SPTLC2: variants seen among roughly 807,000 people sequenced by gnomAD.
SPTLC2 encodes the protein serine palmitoyltransferase 2.
In SPTLC2, 21 loss-of-function variants were observed where a neutral mutation model predicts 62.0. That is an observed-to-expected ratio of 0.34 (90% CI 0.24 to 0.49). SPTLC2 has a LOEUF of 0.49. Among genes scored for constraint, SPTLC2 ranks in the 20% least tolerant of loss-of-function variants. SPTLC2 has a pLI of 0.99. For synonymous variants in SPTLC2, 261 were observed against 261.8 expected (o/e 1.00, Z 0.03); for missense variants, 511 against 713.0 (o/e 0.72, Z 3.23).
intron 1 of SPTLC2, among the ~76,000 whole-genome samples, chr14:77,604,156 T>C (rs1391518903): frequency 6.6e-6 from 1 of 152,238 alleles, no homozygotes; most frequent in Non-Finnish European, 1.5e-5. Flanking sequence ...CTATATTTCC[T>C]GGACCATAAC....
At chr14:77,584,975 G>T (rs771851000) in intron 2 of SPTLC2, among the ~76,000 whole-genome samples, 13 of 152,240 alleles carry the variant, frequency 8.5e-5, no homozygotes, top group Admixed American at 3.9e-4. Flanking sequence ...CTCAGTGCTG[G>T]GTCGGCACCA....
chr14:77,528,745 A>T (rs1179135103), intron 9 of SPTLC2, among the ~76,000 whole-genome samples: 1 of 152,162 alleles, frequency 6.6e-6, no homozygotes, highest in East Asian at 1.9e-4. Context: ...GTTATTTCAT[A>T]TCTCTTTCAT....
At position 77,554,426 on chromosome 14, in the gene SPTLC2, CCCTCCG is replaced by C. The variant is rs567261229; in HGVS notation, c.1176+868_1176+873del. Among the ~76,000 whole-genome samples, 363 of 152,290 alleles carry C rather than the reference CCCTCCG, an allele frequency of 2.4e-3. 2 individuals carry two copies. The highest frequency in any genetic ancestry group is 4.3e-3 in the Non-Finnish European group (292 of 68,034). On this transcript the variant is annotated intron_variant, in intron 8 of 11. Transcript: ENST00000216484. ...AGCATTCACTTTCCATTTCCCTATC[CCCTCCG>C]CCTCCGGCAACTACTAATCTACTTT...
intron 2 of SPTLC2, among the ~76,000 whole-genome samples, chr14:77,586,078 CTT>C (rs57174185): frequency 4.4e-4 from 60 of 137,438 alleles, no homozygotes; most frequent in Admixed American, 5.2e-4. Context: ...TTTCTTTTTT[CTT>C]TTTTTTTTTT....
intron 1 of SPTLC2, among the ~76,000 whole-genome samples, chr14:77,613,965 G>T (rs1043137320): frequency 6.6e-6 from 1 of 152,234 alleles, no homozygotes; most frequent in East Asian, 1.9e-4. Flanking sequence ...CCATCTGAGA[G>T]TGTAGAAAGC....
chr14:77,545,771 A>AT (rs2079525225), intron 9 of SPTLC2, among the ~76,000 whole-genome samples: 1 of 152,240 alleles, frequency 6.6e-6, no homozygotes, highest in Admixed American at 6.5e-5. Context: ...TCAACAAACA[A>AT]TAGACACTGG....
intron 9 of SPTLC2, among the ~76,000 whole-genome samples, chr14:77,531,590 C>T (rs564273347): frequency 4.6e-4 from 69 of 151,334 alleles, no homozygotes; most frequent in African/African-American, 1.6e-3. Flanking sequence ...CTCGGTCCAC[C>T]GCAACCTCCA....
chr14:77,601,421 C>T (rs1014786493), intron 1 of SPTLC2, among the ~76,000 whole-genome samples: 6 of 152,186 alleles, frequency 3.9e-5, no homozygotes, highest in African/African-American at 4.8e-5. Flanking sequence ...CTAACTCCAC[C>T]GCCTATCCCA....
chr14:77,531,501 C>CTCT (rs1162219694), intron 9 of SPTLC2, among the ~76,000 whole-genome samples: 2 of 98,560 alleles, frequency 2.0e-5, no homozygotes, highest in African/African-American at 8.3e-5. Flanking sequence ...CCTCCTCCTC[C>CTCT]TCCTCCTCTT....
intron 4 of SPTLC2, among the ~76,000 whole-genome samples, chr14:77,575,497 C>G (rs1476419359): frequency 6.6e-6 from 1 of 152,134 alleles, no homozygotes; most frequent in Non-Finnish European, 1.5e-5. Flanking sequence ...ACCTGTACAG[C>G]TAGGGCATAA....
intron 9 of SPTLC2, among the ~76,000 whole-genome samples, chr14:77,551,081 G>C (rs1340253169): frequency 1.3e-5 from 2 of 152,016 alleles, no homozygotes; most frequent in African/African-American, 4.8e-5. Flanking sequence ...ATGCCAAACT[G>C]ACTTTACAAG....
chr14:77,520,660 T>G (rs186512369), intron 10 of SPTLC2, among the ~76,000 whole-genome samples: 184 of 152,390 alleles, frequency 1.2e-3, no homozygotes, highest in African/African-American at 4.2e-3. Flanking sequence ...GCTTTTCAAA[T>G]GTCTTCTGGT....
intron 9 of SPTLC2, among the ~76,000 whole-genome samples, chr14:77,547,032 T>C (rs1283128917): frequency 2.0e-5 from 3 of 148,706 alleles, no homozygotes; most frequent in African/African-American, 7.5e-5. Flanking sequence ...ACCCAGCTAA[T>C]TTTCATATTT....
Position 77,597,251 on chromosome 14 carries a change from G to C in SPTLC2, c.262C>G (p.Arg88Gly). ...ATTCTCCAATACCTCAAGAAATCTCGAAGATATCCAAAGAGGGTGAGTACG... is the reference window on the plus strand; with the variant it reads ...ATTCTCCAATACCTCAAGAAATCTCCAAGATATCCAAAGAGGGTGAGTACG... ...YGVLTLFGYLRDFLRYWRIEK... is the reference protein window; with the variant it reads ...YGVLTLFGYLGDFLRYWRIEK... Residue 88 changes from arginine to glycine, a missense_variant, in exon 2 of 12, where the codon CGA (arginine) becomes GGA (glycine). Arg to Gly is a moderately radical substitution (Grantham distance 125, BLOSUM62 -2). Transcript: ENST00000216484. 1 of 1,614,078 alleles carries C rather than the reference G, an allele frequency of 6.2e-7. No individual in the cohort carries two copies. The highest frequency in any genetic ancestry group is 8.5e-7 in the Non-Finnish European group (1 of 1,180,034).
At chr14:77,567,056 C>T (rs892691921) in intron 5 of SPTLC2, among the ~76,000 whole-genome samples, 6 of 152,118 alleles carry the variant, frequency 3.9e-5, no homozygotes, top group East Asian at 1.9e-4. Flanking sequence ...CTGCCAGCTC[C>T]GCCTCCCGGG....
chr14:77,569,303 G>A (rs200528690), intron 5 of SPTLC2, among the ~76,000 whole-genome samples: 1 of 151,620 alleles, frequency 6.6e-6, no homozygotes, highest in Admixed American at 6.6e-5. Context: ...AATTTTATCC[G>A]ACAATCTTTG....
At chr14:77,525,840 G>A (rs1337552245) in intron 9 of SPTLC2, among the ~76,000 whole-genome samples, 1 of 152,208 alleles carries the variant, frequency 6.6e-6, no homozygotes, top group Non-Finnish European at 1.5e-5. Context: ...CATGAACCCA[G>A]GAGGCGGAGC....
rs11159275 is a variant in SPTLC2, at chr14:77,551,903, T to C, written c.1303+193A>G. On this transcript the variant is annotated intron_variant, in intron 9 of 11. Transcript: ENST00000216484. ...CCCATCTATAAACAAGAAAATTCCA[T>C]AGAAAGTGAGCCAGGGTCGTTCTCA... 0.39 allele frequency among the ~76,000 whole-genome samples: 58,663 copies of C among 151,942 alleles called. 13,345 individuals carry two copies. Among genetic ancestry groups the C allele is most frequent in the East Asian group, 0.87 (4,494 of 5,180 alleles).
intron 5 of SPTLC2, among the ~76,000 whole-genome samples, chr14:77,567,444 G>C (rs944335034): frequency 6.6e-6 from 1 of 152,210 alleles, no homozygotes; most frequent in Non-Finnish European, 1.5e-5. Context: ...GGACAGCAAC[G>C]TATTATAACG....
Sources: allele counts gnomAD v4.1 joint callset (sites outside exome capture counted in the v4.1 genomes callset), GRCh38; gene constraint gnomAD v4.1.1; transcripts MANE v1.5; gene names NCBI Gene and HGNC (gene_info 2026-07-23, HGNC 2026-07-21).